Variants in CNOT4 observed in about 807,000 individuals in gnomAD.
CNOT4 encodes the protein CCR4-associated factor 4.
CNOT4 carries 8 observed loss-of-function variants against 73.8 expected under a neutral mutation model. That is an observed-to-expected ratio of 0.11 (90% CI 0.06 to 0.20). The LOEUF is 0.20. CNOT4 is among the 10% of genes least tolerant of loss of function. The probability of loss-of-function intolerance (pLI) is 1.00; values close to 1 mark genes in which losing one functional copy is unlikely to be tolerated. For missense variants in CNOT4, 564 were observed against 883.4 expected (o/e 0.64, Z 4.58); for synonymous variants, 293 against 321.1 (o/e 0.91, Z 0.94).
intron 1 of CNOT4, among the ~76,000 whole-genome samples, chr7:135,477,397 T>C (rs1056394495): frequency 4.6e-5 from 7 of 152,146 alleles, no homozygotes; most frequent in African/African-American, 1.7e-4. Context: ...AGAATTAAAA[T>C]CAATAAAAGG....
chr7:135,508,864 C>T (rs142855888), intron 1 of CNOT4, among the ~76,000 whole-genome samples: 2 of 152,196 alleles, frequency 1.3e-5, no homozygotes, highest in African/African-American at 4.8e-5. Flanking sequence ...TCAGGGCCCA[C>T]ACTAAGTGTC....
At chr7:135,464,187 T>C (rs149161117) in intron 1 of CNOT4, among the ~76,000 whole-genome samples, 2 of 152,298 alleles carry the variant, frequency 1.3e-5, no homozygotes, top group African/African-American at 4.8e-5. Flanking sequence ...CATTACTGAG[T>C]ATATACCTAG....
intron 10 of CNOT4, among the ~76,000 whole-genome samples, chr7:135,376,363 T>C (rs780162864): frequency 6.6e-5 from 10 of 152,138 alleles, no homozygotes; most frequent in Non-Finnish European, 1.2e-4. Flanking sequence ...TTTTTTTTAA[T>C]TTTAATTTTT....
chr7:135,364,557 CCTT>C lies in CNOT4; in HGVS notation c.1628-494_1628-492del, dbSNP rs1794813828. ...AATAGAAAAAGAAAAATAATTAAGT[CCTT>C]CTTCATTATAAAACTGGCAATGTGC... On this transcript the variant is annotated intron_variant, in intron 10 of 11. Coordinates refer to ENST00000541284, the MANE Select transcript of CNOT4 (RefSeq NM_001190850.2). The surrounding 1 kb of genome is among the most constrained non-coding windows in gnomAD (Gnocchi z 4.3). Among the ~76,000 whole-genome samples, 2 of 152,314 alleles carry C rather than the reference CCTT, an allele frequency of 1.3e-5. No individual in the cohort carries two copies. Among genetic ancestry groups the C allele is most frequent in the Admixed American group, 6.5e-5 (1 of 15,300 alleles).
chr7:135,380,795 C>T lies in CNOT4; in HGVS notation c.1627+13123G>A, dbSNP rs964871875. Reference sequence around the variant, plus strand: ...TGACTATAGACAAATCACAATCCTTCGGAGCCTTGTTTATTATCATCATTG... The same window carrying T: ...TGACTATAGACAAATCACAATCCTTTGGAGCCTTGTTTATTATCATCATTG... On this transcript the variant is annotated intron_variant, in intron 10 of 11. Coordinates refer to ENST00000541284, the MANE Select transcript of CNOT4 (RefSeq NM_001190850.2). Among the ~76,000 whole-genome samples, 14 of 152,272 alleles carry T rather than the reference C, an allele frequency of 9.2e-5. No homozygotes were observed. The East Asian group carries it at 2.1e-3, about 23-fold the overall frequency.
chr7:135,465,190 A>T (rs1267331983), intron 1 of CNOT4, among the ~76,000 whole-genome samples: 2 of 152,166 alleles, frequency 1.3e-5, no homozygotes, highest in Non-Finnish European at 2.9e-5. Context: ...ATTCATTTAC[A>T]TGTTTATATT....
chr7:135,369,973 G>A (rs965640449), intron 10 of CNOT4, among the ~76,000 whole-genome samples: 1 of 151,972 alleles, frequency 6.6e-6, no homozygotes. Context: ...TGTACATCAG[G>A]GCAGTCACAA....
intron 1 of CNOT4, among the ~76,000 whole-genome samples, chr7:135,501,183 C>G (rs62479464): frequency 0.049 from 7,411 of 152,028 alleles, 248 homozygotes; most frequent in Middle Eastern, 0.092. Context: ...CGGGGTTTCA[C>G]TATGTTGGCC....
chr7:135,393,817 A>G (rs900727687), intron 10 of CNOT4, 101 bp downstream of exon 10: 10 of 762,390 alleles, frequency 1.3e-5, no homozygotes, highest in Non-Finnish European at 2.0e-5. Flanking sequence ...GACATTTCCA[A>G]GATATTAGTA....
At chr7:135,395,026 CT>C (rs1361804823) in intron 9 of CNOT4, among the ~76,000 whole-genome samples, 2 of 151,974 alleles carry the variant, frequency 1.3e-5, no homozygotes, top group Non-Finnish European at 2.9e-5. Flanking sequence ...TAACTTGCAT[CT>C]TTGTCAGCTG....
intron 1 of CNOT4, among the ~76,000 whole-genome samples, chr7:135,495,751 AAAGAAAGAAAG>A (rs1803520682): frequency 1.5e-5 from 2 of 134,492 alleles, no homozygotes; most frequent in African/African-American, 5.4e-5. Flanking sequence ...AGAAAGAAAG[AAAGAAAGAAAG>A]AAATTTAAGA....
At chr7:135,405,973 GTTTC>G (rs1347794944) in intron 7 of CNOT4, among the ~76,000 whole-genome samples, 2 of 152,058 alleles carry the variant, frequency 1.3e-5, no homozygotes, top group East Asian at 3.9e-4. Context: ...CCTTCTTTGA[GTTTC>G]TTTTTTTCCT....
Position 135,438,196 on chromosome 7 carries a change from G to A in CNOT4, c.136C>T (p.Arg46Cys). Residue 46 changes from arginine (R) to cysteine (C), a missense_variant, in exon 2 of 12, where the codon CGC becomes TGC. Coordinates refer to ENST00000541284, the MANE Select transcript of CNOT4 (RefSeq NM_001190850.2). ...GGACAAAGCCCATTTTCATCAGTGC[G>A]AATTCGATGCCAACAAAATCGGCAA... ...QICRFCWHRI[R>C]TDENGLCPAC... The A allele has an allele frequency of 6.2e-7, 1 of 1,607,016 alleles. No individual in the cohort carries two copies. The highest frequency in any genetic ancestry group is 8.5e-7 in the Non-Finnish European group (1 of 1,173,660).
At chr7:135,385,207 C>T (rs1247981021) in intron 10 of CNOT4, among the ~76,000 whole-genome samples, 2 of 152,228 alleles carry the variant, frequency 1.3e-5, no homozygotes, top group Non-Finnish European at 2.9e-5. Context: ...TAGTTCTCTA[C>T]CACTGACCAC....
intron 10 of CNOT4, among the ~76,000 whole-genome samples, chr7:135,367,593 T>C (rs1563008058): frequency 6.6e-6 from 1 of 152,188 alleles, no homozygotes; most frequent in Non-Finnish European, 1.5e-5. Context: ...TGGTGGTCAA[T>C]ACCGAACGGA....
At chr7:135,492,427 G>A (rs988331445) in intron 1 of CNOT4, among the ~76,000 whole-genome samples, 4 of 152,154 alleles carry the variant, frequency 2.6e-5, no homozygotes, top group African/African-American at 4.8e-5. Context: ...TATGACTGGC[G>A]ATTGAATTAT....
chr7:135,448,521 C>A, intron 1 of CNOT4, among the ~76,000 whole-genome samples: 1 of 116,044 alleles, frequency 8.6e-6, no homozygotes, highest in Non-Finnish European at 1.6e-5. Context: ...CAGAGCAACT[C>A]TGTCAAAAAA....
chr7:135,489,437 C>G (rs1046526150), intron 1 of CNOT4, among the ~76,000 whole-genome samples: 1 of 148,594 alleles, frequency 6.7e-6, no homozygotes, highest in Non-Finnish European at 1.5e-5. Context: ...GCTCTGTCCC[C>G]CAGGCTGGAG....
intron 1 of CNOT4, among the ~76,000 whole-genome samples, chr7:135,461,597 C>T (rs777240070): frequency 2.0e-5 from 3 of 152,072 alleles, no homozygotes; most frequent in Non-Finnish European, 4.4e-5. Flanking sequence ...TTTGGGAGGC[C>T]GAGGCAGGTG....
Sources: allele counts gnomAD v4.1 joint callset (sites outside exome capture counted in the v4.1 genomes callset), GRCh38; gene constraint gnomAD v4.1.1; non-coding constraint Gnocchi (gnomAD v3.1); transcripts MANE v1.5; gene names NCBI Gene and HGNC (gene_info 2026-07-23, HGNC 2026-07-21).